SLC6A5: variants seen among roughly 807,000 people sequenced by gnomAD.
SLC6A5 encodes sodium- and chloride-dependent glycine transporter 2.
SLC6A5 carries 58 observed loss-of-function variants against 90.5 expected under a neutral mutation model. That is an observed-to-expected ratio of 0.64 (90% confidence interval 0.52 to 0.80). The LOEUF (loss-of-function observed/expected upper bound fraction) is 0.80. Ranked by LOEUF, SLC6A5 falls within the 30% of genes least tolerant of loss-of-function variation. The probability of loss-of-function intolerance (pLI) is 0.00; values close to 1 mark genes in which losing one functional copy is unlikely to be tolerated. For missense variants in SLC6A5, 1,015 were observed against 1,017.6 expected, an observed-to-expected ratio of 1.00 and a Z score of 0.03; for synonymous variants, 427 against 401.4, an observed-to-expected ratio of 1.06 and a Z score of -0.76.
At chr11:20,651,235 T>G in intron 14 of SLC6A5, among the ~76,000 whole-genome samples, 1 of 35,748 alleles carries the variant, frequency 2.8e-5, no homozygotes, top group South Asian at 1.2e-3. Context: ...CCCACCCCTC[T>G]TGCCCTCTCC....
At chr11:20,636,553 T>C in intron 11 of SLC6A5, 134 bp downstream of exon 11, 1 of 717,010 alleles carries the variant, frequency 1.4e-6, no homozygotes, top group Non-Finnish European at 2.6e-6. Flanking sequence ...GATCTAGAGA[T>C]GCTGAAGTGC....
chr11:20,655,253 C>G lies in SLC6A5; in HGVS notation c.*385C>G. ...AGGCATGTATAGAGTGGCCGAATTA[C>G]AAGACTTTATTTGGACTTGAACAGA... On this transcript the variant is annotated 3_prime_UTR_variant, in exon 16 of 16. Transcript: ENST00000525748. 1 of 323,382 alleles carries G rather than the reference C, an allele frequency of 3.1e-6. No individual in the cohort carries two copies. The highest frequency in any genetic ancestry group is 6.1e-6 in the Non-Finnish European group (1 of 164,186). 20.0% of individuals were successfully genotyped at this position (323,382 alleles called of 1,614,324 possible).
chr11:20,633,030 AG>A (rs1175721317), intron 10 of SLC6A5, among the ~76,000 whole-genome samples: 11 of 152,038 alleles, frequency 7.2e-5, no homozygotes, highest in African/African-American at 2.7e-4. Flanking sequence ...CTTTTATGAT[AG>A]GCATAGGGAA....
Position 20,656,507 on chromosome 11 carries a change from A to G in SLC6A5, c.*1639A>G, listed in dbSNP as rs1002997914. ...GAAACCCAACAACAGGCTTTAATGT[A>G]CATTTTTTTTTAAAAGATTTCATTT... On this transcript the variant is annotated 3_prime_UTR_variant, in exon 16 of 16. Coordinates refer to ENST00000525748, the MANE Select transcript of SLC6A5 (RefSeq NM_004211.5). The G allele has an allele frequency of 1.8e-4, 27 of 152,120 alleles. No individual in the cohort carries two copies. Among genetic ancestry groups the G allele is most frequent in the Admixed American group, 5.9e-4 (9 of 15,256 alleles). The allele number at this position is 152,120 out of a possible 1,614,324, so 9.4% of individuals were successfully genotyped here. A position where few individuals can be genotyped will look rare whatever the true frequency, so the allele number is the denominator to read the frequency against.
In SLC6A5 at chr11:20,657,610, A is replaced by G. The variant is rs1042814124; in HGVS notation, c.*2742A>G. 1 of 152,256 alleles carries G rather than the reference A, an allele frequency of 6.6e-6. No individual in the cohort carries two copies. The highest frequency in any genetic ancestry group is 2.4e-5 in the African/African-American group (1 of 41,472). The allele number at this position is 152,256 out of a possible 1,614,324, so 9.4% of individuals were successfully genotyped here. ...TAACATTGTTAGAAACTGGCACCTG[A>G]AAACTTCCCTTCAAAGTGGGGGAAA... On this transcript the variant is annotated 3_prime_UTR_variant, in exon 16 of 16. Coordinates refer to ENST00000525748, the MANE Select transcript of SLC6A5 (RefSeq NM_004211.5).
In SLC6A5 at chr11:20,607,155, G is replaced by C; in HGVS notation, c.811+17G>C. 6.3e-7 allele frequency: 1 copy of C among 1,599,274 alleles called. No individual in the cohort carries two copies. The highest frequency in any genetic ancestry group is 1.1e-5 in the South Asian group (1 of 89,058). ...CTCTACAAGGTGAGTCCAGCCTGCC[G>C]CTCAGCCTCCTCAGGCCCTTTCTTA... On this transcript the variant is annotated intron_variant, in intron 4 of 15. Coordinates refer to ENST00000525748, the MANE Select transcript of SLC6A5 (RefSeq NM_004211.5).
In SLC6A5 at chr11:20,601,652, C is replaced by A. The variant is rs1480205783; in HGVS notation, c.527C>A (p.Thr176Asn). Residue 176 changes from threonine to asparagine, a missense_variant, in exon 2 of 16, where the codon ACC (threonine) becomes AAC (asparagine). This residue lies in a region of SLC6A5 where 567 missense variants were observed against 507.3 expected (regional missense o/e 1.12). Coordinates refer to ENST00000525748, the MANE Select transcript of SLC6A5 (RefSeq NM_004211.5). ...TCCGTGCTCCCGGGCAGCGTGGCCA[C>A]CGTTGCCACCCAGGTAAGCAGGTTG... ...ITSVLPGSVA[T>N]VATQEDEQGD... The A allele has an allele frequency of 6.2e-7, 1 of 1,613,766 alleles. No homozygotes were observed. Among genetic ancestry groups the A allele is most frequent in the Non-Finnish European group, 8.5e-7 (1 of 1,179,940 alleles).
At position 20,655,656 on chromosome 11, in the gene SLC6A5, A is replaced by C. The variant is rs980513858; in HGVS notation, c.*788A>C. ...GTTGTGCCTCATTTTGTACGTTCAT[A>C]GTAGAGCTCCATGCTCATTTCTACA... is the stretch of plus-strand genomic sequence containing the variant. On this transcript the variant is annotated 3_prime_UTR_variant, in exon 16 of 16. Transcript: ENST00000525748. 2.0e-5 allele frequency: 3 copies of C among 152,434 alleles called. No homozygotes were observed. Among genetic ancestry groups the C allele is most frequent in the African/African-American group, 7.2e-5 (3 of 41,460 alleles). The allele number at this position is 152,434 out of a possible 1,614,324, so 9.4% of individuals were successfully genotyped here.
At chr11:20,653,571 C>T (rs1205204120) in intron 15 of SLC6A5, among the ~76,000 whole-genome samples, 1 of 152,192 alleles carries the variant, frequency 6.6e-6, no homozygotes, top group Admixed American at 6.5e-5. Flanking sequence ...CACAAAAGTC[C>T]ACTGGGTGGG....
At chr11:20,619,165 G>T (rs1004545647) in intron 7 of SLC6A5, among the ~76,000 whole-genome samples, 1 of 152,144 alleles carries the variant, frequency 6.6e-6, no homozygotes, top group Non-Finnish European at 1.5e-5. Context: ...GATTATCCAG[G>T]CCAAGGATTT....
chr11:20,615,212 AT>A (rs59098397), intron 6 of SLC6A5, among the ~76,000 whole-genome samples: 6 of 151,746 alleles, frequency 4.0e-5, no homozygotes, highest in African/African-American at 1.2e-4. Context: ...GAACAAATTC[AT>A]TTTTTTTCCT....
chr11:20,658,650 C>G lies in SLC6A5; in HGVS notation c.*3782C>G, dbSNP rs991550731. ...AGGCCAAGTAGTTTTGAAATGTGGT[C>G]TTTGCTCAGGTCACCTCTGAGCAGC... On this transcript the variant is annotated 3_prime_UTR_variant, in exon 16 of 16. Coordinates refer to ENST00000525748, the MANE Select transcript of SLC6A5 (RefSeq NM_004211.5). The G allele has an allele frequency of 6.6e-6, 1 of 152,162 alleles. No homozygotes were observed. The highest frequency in any genetic ancestry group is 1.5e-5 in the Non-Finnish European group (1 of 68,036). 9.4% of individuals were successfully genotyped at this position (152,162 alleles called of 1,614,324 possible).
At position 20,625,846 on chromosome 11, in the gene SLC6A5, C is replaced by A. The variant is rs142715481; in HGVS notation, c.1261-862C>A. 6.4e-3 allele frequency among the ~76,000 whole-genome samples: 970 copies of A among 152,298 alleles called. 21 individuals are homozygous for A. The highest frequency in any genetic ancestry group is 0.022 in the African/African-American group (931 of 41,542). On this transcript the variant is annotated intron_variant, in intron 7 of 15. Coordinates refer to ENST00000525748, the MANE Select transcript of SLC6A5 (RefSeq NM_004211.5). ...ATCTCCATGAACGTCTTAGTAGACG[C>A]CCAGGTTGGGCACAATGCCCTTCCC...
At chr11:20,646,787 T>G (rs1411987711) in intron 13 of SLC6A5, 47 bp from the exon 14 acceptor site, 2 of 1,356,358 alleles carry the variant, frequency 1.5e-6, no homozygotes, top group Non-Finnish European at 2.1e-6. Flanking sequence ...CCACCTCACC[T>G]TCCTGCTACT....
At position 20,638,499 on chromosome 11, in the gene SLC6A5, C is replaced by G. The variant is rs770169307; in HGVS notation, c.1910C>G (p.Ala637Gly). The change falls in exon 13 of 16, where the codon GCC (alanine) becomes GGC (glycine). Residue 637 changes from alanine (A) to glycine (G), a missense_variant. Coordinates refer to ENST00000525748, the MANE Select transcript of SLC6A5 (RefSeq NM_004211.5). Reference sequence around the variant, plus strand: ...TTTCAGCTTGTGGACACCTATGCTGCCTCCTATGCCCTTGTCATCATTGCC... The same window carrying G: ...TTTCAGCTTGTGGACACCTATGCTGGCTCCTATGCCCTTGTCATCATTGCC... ...YMFQLVDTYA[A>G]SYALVIIAIF... is the part of the protein sequence containing the mutation. 6.8e-6 allele frequency: 11 copies of G among 1,613,422 alleles called. No homozygotes were observed. The Middle Eastern group carries it at 6.6e-4, about 97-fold the overall frequency.
At chr11:20,635,408 C>CG (rs1555043948) in intron 10 of SLC6A5, among the ~76,000 whole-genome samples, 2 of 152,044 alleles carry the variant, frequency 1.3e-5, no homozygotes, top group Admixed American at 6.6e-5. Flanking sequence ...GCCGCCCCCC[C>CG]GCAACCCGAC....
At chr11:20,623,572 T>A (rs2133794535) in intron 7 of SLC6A5, among the ~76,000 whole-genome samples, 1 of 152,250 alleles carries the variant, frequency 6.6e-6, no homozygotes, top group Non-Finnish European at 1.5e-5. Flanking sequence ...TGTGCAAACG[T>A]TAGATCCTGT....
intron 2 of SLC6A5, among the ~76,000 whole-genome samples, chr11:20,603,805 G>T (rs1315459433): frequency 6.6e-6 from 1 of 152,144 alleles, no homozygotes; most frequent in Admixed American, 6.5e-5. Flanking sequence ...AATGGCTGAG[G>T]AGGAGGTGTG....
chr11:20,606,884 G>A, intron 3 of SLC6A5, 123 bp from the exon 4 acceptor site: 1 of 1,227,242 alleles, frequency 8.1e-7, no homozygotes, highest in Non-Finnish European at 1.2e-6. Context: ...GGCTTCTTCA[G>A]GAATGGAGCT....
Sources: gnomAD v4.1 joint callset for allele counts (sites outside exome capture counted in the v4.1 genomes callset) on GRCh38, gnomAD v4.1.1 for gene constraint, gnomAD v4.1.1 regional missense constraint, MANE v1.5 for transcripts, NCBI Gene and HGNC (gene_info 2026-07-23, HGNC 2026-07-21) for gene names.